The following SLC9C2 variants were observed in gnomAD, a reference collection of about 807,000 sequenced individuals.
SLC9C2 encodes solute carrier family 9 member C2 (putative).
SLC9C2 carries 75 observed loss-of-function variants against 140.2 expected under a neutral mutation model. The observed-to-expected ratio is 0.53, with a 90% CI of 0.44 to 0.65. The LOEUF (loss-of-function observed/expected upper bound fraction) is 0.65, where lower values mean the gene tolerates loss of function less well. Ranked by LOEUF, SLC9C2 falls within the 30% of genes least tolerant of loss-of-function variation. The pLI is 0.00. For synonymous variants in SLC9C2, 375 were observed against 420.9 expected, an observed-to-expected ratio of 0.89 and a Z score of 1.34; for missense variants, 1,074 against 1,331.8, an observed-to-expected ratio of 0.81 and a Z score of 3.01.
intron 2 of SLC9C2, 76 bp downstream of exon 2, chr1:173,601,574 T>C: frequency 1.3e-6 from 2 of 1,517,624 alleles, no homozygotes; most frequent in Middle Eastern, 1.8e-4. Flanking sequence ...TGATGTTATG[T>C]AGTTGTGATG....
chr1:173,536,228 T>C lies in SLC9C2; in HGVS notation c.1656-279A>G, dbSNP rs544198585. Among the ~76,000 whole-genome samples the C allele has an allele frequency of 3.3e-5, 5 of 152,326 alleles. 1 individual carries two copies. In the South Asian group the frequency reaches 1.0e-3, roughly 32 times the overall value. On this transcript the variant is annotated intron_variant, in intron 14 of 27. Transcript: ENST00000367714. ...TTTGGAATCAAGCTTTCCTTTGTCA[T>C]GCTGGTCTGGCCCAACCCTCTCCAA...
intron 23 of SLC9C2, 151 bp downstream of exon 23, chr1:173,517,386 T>C: frequency 1.5e-6 from 1 of 645,336 alleles, no homozygotes; most frequent in Non-Finnish European, 2.5e-6. Context: ...GAGCCTGGGA[T>C]GTGAGACACT....
intron 7 of SLC9C2, among the ~76,000 whole-genome samples, chr1:173,577,774 T>TA (rs1416159245): frequency 6.6e-6 from 1 of 152,252 alleles, no homozygotes; most frequent in African/African-American, 2.4e-5. Context: ...TAATTGTTTT[T>TA]ATCTACTTTG....
intron 11 of SLC9C2, among the ~76,000 whole-genome samples, chr1:173,550,261 G>T (rs1169001742): frequency 6.6e-6 from 1 of 151,924 alleles, no homozygotes; most frequent in Non-Finnish European, 1.5e-5. Context: ...AAAATGAGCT[G>T]GGTGTGGTGG....
intron 5 of SLC9C2, among the ~76,000 whole-genome samples, chr1:173,584,879 T>C (rs1255533246): frequency 6.6e-6 from 1 of 152,198 alleles, no homozygotes. Context: ...AGACAGTTTC[T>C]ATTGCTACAT....
Position 173,541,572 on chromosome 1 carries a change from C to T in SLC9C2, c.1558-4533G>A, listed in dbSNP as rs1490502388. ...AGAATATACATTCTTCTCAGCACCA[C>T]ATCACACTTATTCCAAAACTGACCA... On this transcript the variant is annotated intron_variant, in intron 13 of 27. Transcript: ENST00000367714. Among the ~76,000 whole-genome samples, 7 of 152,336 alleles carry T rather than the reference C, an allele frequency of 4.6e-5. No individual in the cohort carries two copies. The East Asian group carries it at 9.6e-4, about 21-fold the overall frequency.
At chr1:173,582,106 G>T in intron 6 of SLC9C2, 98 bp from the exon 7 acceptor site, 1 of 963,532 alleles carries the variant, frequency 1.0e-6, no homozygotes, top group Non-Finnish European at 1.5e-6. Flanking sequence ...TGGTTTGCTT[G>T]TGAGATTTTG....
chr1:173,525,754 T>C (rs1168007046), intron 19 of SLC9C2, among the ~76,000 whole-genome samples: 4 of 152,216 alleles, frequency 2.6e-5, no homozygotes, highest in South Asian at 2.1e-4. Flanking sequence ...GAGTAGTGAA[T>C]TGAGAAAACT....
chr1:173,582,132 T>A, intron 6 of SLC9C2, 124 bp from the exon 7 acceptor site: 1 of 648,916 alleles, frequency 1.5e-6, no homozygotes, highest in South Asian at 3.3e-5. Context: ...ACACCTTATT[T>A]GTCAGCAAAT....
intron 9 of SLC9C2, among the ~76,000 whole-genome samples, chr1:173,567,162 C>T (rs1352760411): frequency 6.6e-6 from 1 of 152,098 alleles, no homozygotes; most frequent in Non-Finnish European, 1.5e-5. Flanking sequence ...ACAAAATGTT[C>T]TGTAAATATC....
chr1:173,535,954 C>A lies in SLC9C2; in HGVS notation c.1656-5G>T, dbSNP rs1207779201. ...ACATCATAAATACTCATGAATCTAA[C>A]AGAGAAAAATGTACATATGTGTTAT... On this transcript the variant is annotated splice_polypyrimidine_tract_variant and splice_region_variant and intron_variant, in intron 14 of 27. Transcript: ENST00000367714. 4 of 1,495,706 alleles carry A rather than the reference C, an allele frequency of 2.7e-6. No homozygotes were observed. The South Asian group carries it at 4.9e-5, about 18-fold the overall frequency. The allele number at this position is 1,495,706 out of a possible 1,614,324, so 92.7% of individuals were successfully genotyped here.
chr1:173,582,096 T>G, intron 6 of SLC9C2, 88 bp from the exon 7 acceptor site: 1 of 1,076,532 alleles, frequency 9.3e-7, no homozygotes, highest in Non-Finnish European at 1.3e-6. Flanking sequence ...CTTTGCACTT[T>G]GGTTTGCTTG....
At chr1:173,509,350 CAGG>C (rs1314532669) in intron 24 of SLC9C2, among the ~76,000 whole-genome samples, 1 of 151,382 alleles carries the variant, frequency 6.6e-6, no homozygotes, top group African/African-American at 2.4e-5. Flanking sequence ...GAGGCTGAGG[CAGG>C]AGAATTGCTT....
At chr1:173,519,532 A>C (rs1227823458) in intron 22 of SLC9C2, among the ~76,000 whole-genome samples, 1 of 152,240 alleles carries the variant, frequency 6.6e-6, no homozygotes, top group African/African-American at 2.4e-5. Flanking sequence ...ATGGTATCAA[A>C]AAAGTACTAA....
At chr1:173,590,288 A>C (rs1666084168) in intron 4 of SLC9C2, among the ~76,000 whole-genome samples, 1 of 152,086 alleles carries the variant, frequency 6.6e-6, no homozygotes, top group Non-Finnish European at 1.5e-5. Flanking sequence ...AATATTTAAA[A>C]GATAATAGCC....
At chr1:173,521,265 A>T in intron 22 of SLC9C2, 36 bp downstream of exon 22, 1 of 1,095,946 alleles carries the variant, frequency 9.1e-7, no homozygotes, top group Non-Finnish European at 1.2e-6. Context: ...AATACATTTT[A>T]AGTAAAAAAA....
At chr1:173,579,161 C>T (rs773216865) in intron 7 of SLC9C2, among the ~76,000 whole-genome samples, 10 of 152,292 alleles carry the variant, frequency 6.6e-5, no homozygotes, top group South Asian at 2.1e-4. Context: ...TAAGTCTTAC[C>T]TGAACAAATG....
At chr1:173,510,504 G>A (rs760265887) in intron 23 of SLC9C2, among the ~76,000 whole-genome samples, 1 of 151,848 alleles carries the variant, frequency 6.6e-6, no homozygotes, top group South Asian at 2.1e-4. Flanking sequence ...ATCCCCAAAC[G>A]GCCCTGGTGT....
intron 23 of SLC9C2, among the ~76,000 whole-genome samples, chr1:173,513,830 C>G (rs1208896174): frequency 6.6e-6 from 1 of 152,224 alleles, no homozygotes; most frequent in Non-Finnish European, 1.5e-5. Flanking sequence ...TTAGCTGTGT[C>G]CCAGAGATTC....
Sources: gnomAD v4.1 joint callset for allele counts (sites outside exome capture counted in the v4.1 genomes callset) on GRCh38, gnomAD v4.1.1 for gene constraint, MANE v1.5 for transcripts, NCBI Gene and HGNC (gene_info 2026-07-23, HGNC 2026-07-21) for gene names.